Variants in TRERF1 observed in about 807,000 individuals in gnomAD.
TRERF1 encodes the protein transcriptional-regulating factor 1.
In TRERF1, 27 loss-of-function variants were observed where a neutral mutation model predicts 122.9. The ratio of observed to expected loss-of-function variants is 0.22; its 90% CI spans 0.16 to 0.30. The LOEUF (loss-of-function observed/expected upper bound fraction) is 0.30. Among genes scored for constraint, TRERF1 ranks in the 10% least tolerant of loss-of-function variants. The pLI is 1.00. For missense variants in TRERF1, 1,248 were observed against 1,560.3 expected, an observed-to-expected ratio of 0.80 and a Z score of 3.37; for synonymous variants, 636 against 641.7, an observed-to-expected ratio of 0.99 and a Z score of 0.13.
chr6:42,436,813 AAATATATATATATATATAT>A (rs1312281352), intron 2 of TRERF1, among the ~76,000 whole-genome samples: 2 of 106,910 alleles, frequency 1.9e-5, no homozygotes, highest in Admixed American at 1.1e-4. Flanking sequence ...AAAAAAAAAA[AAATATATATATATATATAT>A]ATATATATAT....
chr6:42,319,858 A>G (rs1206100048), intron 3 of TRERF1, among the ~76,000 whole-genome samples: 12 of 150,486 alleles, frequency 8.0e-5, no homozygotes, highest in Admixed American at 4.0e-4. Context: ...ATATAATAAT[A>G]TAATGCTATA....
At chr6:42,408,297 G>GTA (rs1780573511) in intron 2 of TRERF1, among the ~76,000 whole-genome samples, 1 of 70,778 alleles carries the variant, frequency 1.4e-5, no homozygotes, top group Non-Finnish European at 2.3e-5. Flanking sequence ...GTGTGTGTAT[G>GTA]TATATATACA....
chr6:42,233,462 G>T (rs111979521), intron 16 of TRERF1, among the ~76,000 whole-genome samples: 241 of 150,946 alleles, frequency 1.6e-3, no homozygotes, highest in East Asian at 4.5e-3. Context: ...ATTTTTTGTA[G>T]TTTTAGTAGA....
intron 2 of TRERF1, among the ~76,000 whole-genome samples, chr6:42,383,602 C>G (rs1244343196): frequency 6.6e-6 from 1 of 152,126 alleles, no homozygotes; most frequent in Non-Finnish European, 1.5e-5. Flanking sequence ...TTGGAGCCCC[C>G]AGCAGCCTCC....
In TRERF1 at chr6:42,232,532, C is replaced by T; in HGVS notation, c.3278+149G>A. The T allele has an allele frequency of 9.9e-7, 1 of 1,010,402 alleles. No homozygotes were observed. The highest frequency in any genetic ancestry group is 1.4e-6 in the Non-Finnish European group (1 of 711,490). The allele number at this position is 1,010,402 out of a possible 1,614,324, so 62.6% of individuals were successfully genotyped here. A position where few individuals can be genotyped will look rare whatever the true frequency, so the allele number is the denominator to read the frequency against. Reference sequence around the variant, plus strand: ...ATATTCTGAGTCTGCAACAGGACTACATACCCATCCCAAAGATGACACGAA... The same window carrying T: ...ATATTCTGAGTCTGCAACAGGACTATATACCCATCCCAAAGATGACACGAA... On this transcript the variant is annotated intron_variant, in intron 17 of 17. Transcript: ENST00000372922. This position sits in a 1 kb window ranked among gnomAD's most constrained non-coding sequence, Gnocchi z 4.5.
intron 3 of TRERF1, among the ~76,000 whole-genome samples, chr6:42,362,267 TG>T (rs1247694947): frequency 6.6e-6 from 1 of 152,122 alleles, no homozygotes; most frequent in Non-Finnish European, 1.5e-5. Flanking sequence ...CAATCAATTC[TG>T]AGCCTCATAC....
chr6:42,376,536 CTTTTTTTT>C (rs781389630), intron 2 of TRERF1, among the ~76,000 whole-genome samples: 1 of 96,304 alleles, frequency 1.0e-5, no homozygotes, highest in South Asian at 3.8e-4. Context: ...TCGTCTAATT[CTTTTTTTT>C]TTTTTTTTTT....
intron 3 of TRERF1, among the ~76,000 whole-genome samples, chr6:42,328,820 G>A (rs1404317155): frequency 1.3e-5 from 2 of 152,076 alleles, no homozygotes; most frequent in Non-Finnish European, 2.9e-5. Flanking sequence ...AACCGGCTGG[G>A]GAAAATGAGG....
intron 4 of TRERF1, among the ~76,000 whole-genome samples, chr6:42,286,970 T>C (rs1275429684): frequency 3.7e-5 from 5 of 136,816 alleles, no homozygotes; most frequent in Non-Finnish European, 7.9e-5. Flanking sequence ...CCATAAAAAA[T>C]GATGAGTTCA....
intron 2 of TRERF1, among the ~76,000 whole-genome samples, chr6:42,406,047 CA>C (rs1255312826): frequency 1.3e-5 from 2 of 152,162 alleles, no homozygotes; most frequent in Non-Finnish European, 2.9e-5. Context: ...TGGAAAGTTC[CA>C]AGCACTTTCC....
chr6:42,402,211 A>G (rs984321385), intron 2 of TRERF1, among the ~76,000 whole-genome samples: 178 of 152,296 alleles, frequency 1.2e-3, no homozygotes, highest in African/African-American at 3.8e-3. Context: ...TTGGGACCAT[A>G]AAAAGGATTT....
intron 3 of TRERF1, among the ~76,000 whole-genome samples, chr6:42,325,873 C>T (rs1007788183): frequency 1.1e-4 from 16 of 152,206 alleles, no homozygotes; most frequent in African/African-American, 1.7e-4. Flanking sequence ...AATGAAATCA[C>T]GTCCTTCACA....
chr6:42,336,612 T>C (rs1414045931), intron 3 of TRERF1, among the ~76,000 whole-genome samples: 1 of 152,162 alleles, frequency 6.6e-6, no homozygotes, highest in Non-Finnish European at 1.5e-5. Context: ...CTTTCCCCAC[T>C]CTAAGCCCTT....
intron 2 of TRERF1, among the ~76,000 whole-genome samples, chr6:42,435,875 G>A (rs1053536254): frequency 6.6e-6 from 1 of 151,854 alleles, no homozygotes; most frequent in Non-Finnish European, 1.5e-5. Context: ...AACTACTCAG[G>A]AGGCTGAGGC....
intron 3 of TRERF1, among the ~76,000 whole-genome samples, chr6:42,306,700 A>G (rs922480714): frequency 6.6e-6 from 1 of 152,114 alleles, no homozygotes; most frequent in South Asian, 2.1e-4. Context: ...CCCTTTTCCC[A>G]GCTCTCCTCT....
chr6:42,393,022 G>A lies in TRERF1; in HGVS notation c.-453-29943C>T, dbSNP rs987408373. Reference sequence around the variant, plus strand: ...GGCGTTTCAAGCTGCCGACGCGAGGGCCACTGGACATGGAGTTGGGAAGAG... The same window carrying A: ...GGCGTTTCAAGCTGCCGACGCGAGGACCACTGGACATGGAGTTGGGAAGAG... On this transcript the variant is annotated intron_variant, in intron 2 of 17. Transcript: ENST00000372922. The surrounding 1 kb of genome is among the most constrained non-coding windows in gnomAD (Gnocchi z 4.1). 6.6e-6 allele frequency among the ~76,000 whole-genome samples: 1 copy of A among 152,064 alleles called. No individual in the cohort carries two copies. The highest frequency in any genetic ancestry group is 1.5e-5 in the Non-Finnish European group (1 of 68,032).
chr6:42,395,307 C>T (rs1235585699), intron 2 of TRERF1, among the ~76,000 whole-genome samples: 1 of 152,216 alleles, frequency 6.6e-6, no homozygotes, highest in East Asian at 1.9e-4. Context: ...AAATGAACAG[C>T]AACCCAAGAT....
intron 2 of TRERF1, among the ~76,000 whole-genome samples, chr6:42,423,692 C>T (rs1244228152): frequency 6.6e-6 from 1 of 152,160 alleles, no homozygotes; most frequent in South Asian, 2.1e-4. Flanking sequence ...TAATATCATA[C>T]TCCAATTGCT....
Position 42,269,325 on chromosome 6 carries a change from G to A in TRERF1, c.266C>T (p.Ala89Val), listed in dbSNP as rs1379353442. The change falls in exon 5 of 18, where the codon GCA (alanine) becomes GTA (valine). Residue 89 changes from alanine to valine, a missense_variant. Transcript: ENST00000372922. This position sits in a 1 kb window ranked among gnomAD's most constrained non-coding sequence, Gnocchi z 4.9. ...TAGCTGGACATGGTTTCCAGGCCCT[G>A]CATGACTTCCCCACCCTCCCTGCCT... The A allele has an allele frequency of 6.2e-7, 1 of 1,614,048 alleles. No individual in the cohort carries two copies. The highest frequency in any genetic ancestry group is 8.5e-7 in the Non-Finnish European group (1 of 1,180,042).
Sources: allele counts gnomAD v4.1 joint callset (sites outside exome capture counted in the v4.1 genomes callset), GRCh38; gene constraint gnomAD v4.1.1; non-coding constraint Gnocchi (gnomAD v3.1); transcripts MANE v1.5; gene names NCBI Gene and HGNC (gene_info 2026-07-23, HGNC 2026-07-21).